The following PDZD2 variants were observed in gnomAD, a reference collection of about 807,000 sequenced individuals.
PDZD2 encodes the protein PDZ domain-containing protein 2.
PDZD2 carries 90 observed loss-of-function variants against 220.7 expected under a neutral mutation model. That is an observed-to-expected ratio of 0.41 (90% confidence interval 0.34 to 0.49). The LOEUF is 0.49. Ranked by LOEUF, PDZD2 falls within the 20% of genes least tolerant of loss-of-function variation. The pLI is 0.28. For missense variants in PDZD2, 3,174 were observed against 3,608.5 expected, an observed-to-expected ratio of 0.88 and a Z score of 3.08; for synonymous variants, 1,375 against 1,450.5, an observed-to-expected ratio of 0.95 and a Z score of 1.18.
chr5:31,892,575 G>A (rs1011919316), intron 2 of PDZD2, among the ~76,000 whole-genome samples: 2 of 152,052 alleles, frequency 1.3e-5, no homozygotes, highest in Non-Finnish European at 2.9e-5. Context: ...TTCTTTTGTG[G>A]CGGGGGTGGT....
At chr5:32,100,630 T>C in intron 23 of PDZD2, 1 of 354,892 alleles carries the variant, frequency 2.8e-6, no homozygotes, top group South Asian at 2.1e-5. Context: ...TGGAGTCCAT[T>C]CTAACAGTCT....
chr5:31,815,347 A>G (rs1755380243), intron 2 of PDZD2, among the ~76,000 whole-genome samples: 1 of 151,978 alleles, frequency 6.6e-6, no homozygotes, highest in African/African-American at 2.4e-5. Context: ...TCAGCAAAAG[A>G]CCTGGGAAAG....
chr5:31,727,005 G>T (rs548302791), intron 1 of PDZD2, among the ~76,000 whole-genome samples: 1 of 152,210 alleles, frequency 6.6e-6, no homozygotes, highest in South Asian at 2.1e-4. Flanking sequence ...CACATGGCAG[G>T]AGCATGCGAG....
At chr5:31,914,372 A>G (rs1015672818) in intron 2 of PDZD2, among the ~76,000 whole-genome samples, 2 of 152,178 alleles carry the variant, frequency 1.3e-5, no homozygotes, top group African/African-American at 4.8e-5. Context: ...TCTACTAAAA[A>G]TACAAAAATC....
At position 31,930,341 on chromosome 5, in the gene PDZD2, G is replaced by A. The variant is rs1271792458; in HGVS notation, c.477-52814G>A. On this transcript the variant is annotated intron_variant, in intron 2 of 24. Transcript: ENST00000438447. Reference sequence around the variant, plus strand: ...CTGCCTCAGTCTCCCAAGTAGCTGGGACTACACCACGCCCGGCTAATTTTT... The same window carrying A: ...CTGCCTCAGTCTCCCAAGTAGCTGGAACTACACCACGCCCGGCTAATTTTT... Among the ~76,000 whole-genome samples, 4 of 151,758 alleles carry A rather than the reference G, an allele frequency of 2.6e-5. No individual in the cohort carries two copies. The East Asian group carries it at 7.8e-4, about 30-fold the overall frequency.
rs772239968 is a variant in PDZD2, at chr5:32,109,759, C to G, written c.*1624C>G. The G allele has an allele frequency of 6.6e-6, 1 of 152,380 alleles. No homozygotes were observed. Among genetic ancestry groups the G allele is most frequent in the Non-Finnish European group, 1.5e-5 (1 of 68,038 alleles). The allele number at this position is 152,380 out of a possible 1,614,324, so 9.4% of individuals were successfully genotyped here. A position where few individuals can be genotyped will look rare whatever the true frequency, so the allele number is the denominator to read the frequency against. The stretch of plus-strand genomic sequence containing the variant: ...CTACAGCTTGGGTCTATGGCTGTGA[C>G]CCCCAGATTCATGGAGGGGCTTTAG... On this transcript the variant is annotated 3_prime_UTR_variant, in exon 25 of 25. Transcript: ENST00000438447.
chr5:31,988,392 G>T (rs1177329806), intron 3 of PDZD2, among the ~76,000 whole-genome samples: 1 of 149,894 alleles, frequency 6.7e-6, no homozygotes, highest in Admixed American at 6.7e-5. Context: ...ATAAGGCGAG[G>T]TCCAGAGGGT....
chr5:32,009,137 G>T (rs1296553316), intron 5 of PDZD2, among the ~76,000 whole-genome samples: 2 of 152,034 alleles, frequency 1.3e-5, no homozygotes, highest in Non-Finnish European at 2.9e-5. Flanking sequence ...GAGGTCAGGG[G>T]TTCGAGACCA....
chr5:32,104,743 A>C (rs1390496427), intron 24 of PDZD2, among the ~76,000 whole-genome samples: 5 of 149,058 alleles, frequency 3.4e-5, no homozygotes, highest in Non-Finnish European at 5.9e-5. Context: ...AAAAAAAAAA[A>C]AAACATATAA....
intron 19 of PDZD2, among the ~76,000 whole-genome samples, chr5:32,085,482 T>C (rs1228072172): frequency 6.7e-6 from 1 of 149,992 alleles, no homozygotes; most frequent in Non-Finnish European, 1.5e-5. Context: ...AGTCTTGCTC[T>C]GTTACTCAGG....
chr5:31,998,781 C>A (rs1751857953), intron 4 of PDZD2, among the ~76,000 whole-genome samples: 1 of 152,210 alleles, frequency 6.6e-6, no homozygotes, highest in South Asian at 2.1e-4. Context: ...GAAAGTTTAC[C>A]AATTTGTGTT....
At chr5:31,698,049 C>T (rs1443291090) in intron 1 of PDZD2, among the ~76,000 whole-genome samples, 5 of 150,098 alleles carry the variant, frequency 3.3e-5, no homozygotes, top group African/African-American at 9.8e-5. Context: ...ACTACAGTTG[C>T]GTGCCACCGC....
chr5:31,936,122 G>A (rs1745703514), intron 2 of PDZD2: 22 of 987,578 alleles, frequency 2.2e-5, no homozygotes, highest in Non-Finnish European at 2.7e-5. Context: ...GAAGCCGGGA[G>A]GAGAGAGAGA....
In PDZD2 at chr5:32,036,742, T is replaced by A. The variant is rs112147228; in HGVS notation, c.1408-489T>A. On this transcript the variant is annotated intron_variant, in intron 6 of 24. Coordinates refer to ENST00000438447, the MANE Select transcript of PDZD2 (RefSeq NM_178140.4). ...AATGTATAGCTGCCATAAAATCAAA[T>A]TTTTACTGTATTTTAGAAACCTTAG... Among the ~76,000 whole-genome samples, 1,175 of 152,330 alleles carry A rather than the reference T, an allele frequency of 7.7e-3. 17 individuals carry two copies. Among genetic ancestry groups the A allele is most frequent in the African/African-American group, 0.027 (1,123 of 41,560 alleles).
At chr5:32,076,482 AC>A (rs1473390678) in intron 18 of PDZD2, among the ~76,000 whole-genome samples, 1 of 152,202 alleles carries the variant, frequency 6.6e-6, no homozygotes, top group African/African-American at 2.4e-5. Flanking sequence ...AATTTTAGTT[AC>A]AAAATTTGAT....
intron 1 of PDZD2, among the ~76,000 whole-genome samples, chr5:31,705,052 T>C (rs1747757935): frequency 6.6e-6 from 1 of 152,164 alleles, no homozygotes; most frequent in South Asian, 2.1e-4. Flanking sequence ...TCCCAGCTAC[T>C]TGGGAGGCTG....
At chr5:32,032,850 G>A (rs1220362801) in intron 6 of PDZD2, among the ~76,000 whole-genome samples, 1 of 152,174 alleles carries the variant, frequency 6.6e-6, no homozygotes, top group Non-Finnish European at 1.5e-5. Context: ...TTTGTGCCCA[G>A]GTAGCTGGCC....
At chr5:32,095,020 A>G (rs975632942) in intron 21 of PDZD2, among the ~76,000 whole-genome samples, 1 of 152,252 alleles carries the variant, frequency 6.6e-6, no homozygotes, top group Non-Finnish European at 1.5e-5. Flanking sequence ...TGAGACCACC[A>G]GTCAAGGGGG....
intron 1 of PDZD2, chr5:31,725,820 GT>G: frequency 2.3e-6 from 2 of 866,612 alleles, no homozygotes. Flanking sequence ...CCACTTTGGT[GT>G]TTGAATCTCT....
Sources: allele counts gnomAD v4.1 joint callset (sites outside exome capture counted in the v4.1 genomes callset), GRCh38; gene constraint gnomAD v4.1.1; transcripts MANE v1.5; gene names NCBI Gene and HGNC (gene_info 2026-07-23, HGNC 2026-07-21).